DIXDC1: variants seen among roughly 807,000 people sequenced by gnomAD.
DIXDC1 encodes DIX domain containing 1.
In DIXDC1, 64 loss-of-function variants were observed where a neutral mutation model predicts 103.1. The observed-to-expected ratio is 0.62, with a 90% CI of 0.51 to 0.76. The LOEUF is 0.76. DIXDC1 is among the 30% of genes least tolerant of loss of function. The pLI, the probability that DIXDC1 is intolerant of heterozygous loss-of-function variation, is 0.00. For missense variants in DIXDC1, 759 were observed against 834.2 expected, an observed-to-expected ratio of 0.91 and a Z score of 1.11; for synonymous variants, 266 against 298.5, an observed-to-expected ratio of 0.89 and a Z score of 1.12.
chr11:112,000,430 G>C (rs1342130361), intron 17 of DIXDC1, among the ~76,000 whole-genome samples: 1 of 152,106 alleles, frequency 6.6e-6, no homozygotes, highest in Non-Finnish European at 1.5e-5. Context: ...CAGGTGCGGT[G>C]GCTCACACTT....
At chr11:111,964,207 G>A (rs1195237219) in intron 1 of DIXDC1, among the ~76,000 whole-genome samples, 1 of 152,240 alleles carries the variant, frequency 6.6e-6, no homozygotes, top group African/African-American at 2.4e-5. Flanking sequence ...AAAACTGGCT[G>A]TGGTTCTGGG....
chr11:111,980,891 C>A (rs782045971), intron 6 of DIXDC1, 42 bp downstream of exon 6: 4 of 1,546,656 alleles, frequency 2.6e-6, no homozygotes, highest in African/African-American at 2.7e-5. Context: ...AAGGAACAGT[C>A]AGCTTGAAGA....
Position 111,992,991 on chromosome 11 carries a change from T to C in DIXDC1, c.1259T>C (p.Leu420Ser), listed in dbSNP as rs1555174724. Residue 420 changes from leucine to serine, a missense_variant, in exon 12 of 20, where the codon TTG (leucine) becomes TCG (serine). Leu to Ser is a moderately radical substitution (Grantham distance 145, BLOSUM62 -2). Coordinates refer to ENST00000440460, the MANE Select transcript of DIXDC1 (RefSeq NM_001037954.4). ...QRKLDERNRL[L>S]GEYKKELGQK... ...AAGCTAGATGAGAGGAACCGGCTCT[T>C]GGGAGAATATAAAGTAAGAATGAAT... 1 of 1,605,712 alleles carries C rather than the reference T, an allele frequency of 6.2e-7. No individual in the cohort carries two copies. The highest frequency in any genetic ancestry group is 1.1e-5 in the South Asian group (1 of 88,790).
chr11:111,952,277 C>A (rs1966839127), intron 1 of DIXDC1, among the ~76,000 whole-genome samples: 2 of 152,152 alleles, frequency 1.3e-5, no homozygotes, highest in South Asian at 4.1e-4. Context: ...TGTCAATTTT[C>A]TCTAAATTAA....
At chr11:111,939,308 T>C (rs1555168591) in intron 1 of DIXDC1, among the ~76,000 whole-genome samples, 1 of 152,182 alleles carries the variant, frequency 6.6e-6, no homozygotes, top group East Asian at 1.9e-4. Context: ...GGTGCTTCCA[T>C]AAATATCCCC....
chr11:111,982,253 A>G, intron 6 of DIXDC1, 86 bp from the exon 7 acceptor site: 1 of 1,463,182 alleles, frequency 6.8e-7, no homozygotes, highest in South Asian at 1.4e-5. Flanking sequence ...AGGTGACCTG[A>G]ACCTGTGAAC....
chr11:111,936,656 C>T (rs587747311), upstream of DIXDC1, among the ~76,000 whole-genome samples: 3 of 152,098 alleles, frequency 2.0e-5, no homozygotes, highest in Non-Finnish European at 4.4e-5. Flanking sequence ...TCCTCTTTTC[C>T]CCCTTTCTTC....
At chr11:111,941,591 G>T (rs1376328528) in intron 1 of DIXDC1, among the ~76,000 whole-genome samples, 1 of 152,012 alleles carries the variant, frequency 6.6e-6, no homozygotes, top group Admixed American at 6.6e-5. Context: ...CGAGGCAGGA[G>T]GATGGCTTGA....
chr11:111,928,079 C>A (rs1192730329), intron 1 of DIXDC1, among the ~76,000 whole-genome samples: 1 of 150,982 alleles, frequency 6.6e-6, no homozygotes, highest in Admixed American at 6.6e-5. Context: ...AAAGCACTTG[C>A]GACAAGTACA....
In DIXDC1 at chr11:111,929,964, A is replaced by G. The variant is rs1259289217; in HGVS notation, c.57+54A>G. The G allele has an allele frequency of 4.9e-6, 7 of 1,438,930 alleles. No individual in the cohort carries two copies. The African/African-American group carries it at 7.1e-5, about 15-fold the overall frequency. 89.1% of individuals were successfully genotyped at this position (1,438,930 alleles called of 1,614,324 possible). A position where few individuals can be genotyped will look rare whatever the true frequency, so the allele number is the denominator to read the frequency against. Reference sequence around the variant, plus strand: ...GCGTGATGATGTTACTGGAATTTCAATACAGTTCTACTTCTGGGGATTTCT... The same window carrying G: ...GCGTGATGATGTTACTGGAATTTCAGTACAGTTCTACTTCTGGGGATTTCT... On this transcript the variant is annotated intron_variant, in intron 2 of 5. Transcript: ENST00000529225.
At chr11:111,964,789 T>A (rs1192139149) in intron 2 of DIXDC1, 111 bp downstream of exon 2, 1 of 1,324,542 alleles carries the variant, frequency 7.5e-7, no homozygotes, top group East Asian at 2.7e-5. Context: ...TATATGGCAG[T>A]AGAGGTAGAG....
chr11:112,001,162 G>GA (rs1172796558), intron 17 of DIXDC1, among the ~76,000 whole-genome samples: 3 of 152,178 alleles, frequency 2.0e-5, no homozygotes, highest in Non-Finnish European at 4.4e-5. Flanking sequence ...GATGAACTTG[G>GA]AAAACATTAT....
rs1212677613 is a variant in DIXDC1 at position 112,000,526 on chromosome 11, G to A, written c.1756+4380G>A. Among the ~76,000 whole-genome samples, 4 of 151,976 alleles carry A rather than the reference G, an allele frequency of 2.6e-5. No homozygotes were observed. In the East Asian group the frequency reaches 7.7e-4, roughly 29 times the overall value. On this transcript the variant is annotated intron_variant, in intron 17 of 19. Transcript: ENST00000440460. ...ACCCTGGCCAATGTGGTGAAACCCC[G>A]TCTCTACTAGAAATACAAAAATTAG...
chr11:111,943,673 T>C (rs1357938087), intron 1 of DIXDC1, among the ~76,000 whole-genome samples: 5 of 152,010 alleles, frequency 3.3e-5, no homozygotes, highest in African/African-American at 1.2e-4. Flanking sequence ...CTAAATTTTT[T>C]GTATTTTCAG....
At chr11:111,968,732 A>G in intron 3 of DIXDC1, 94 bp downstream of exon 3, 1 of 1,275,626 alleles carries the variant, frequency 7.8e-7, no homozygotes, top group Non-Finnish European at 1.0e-6. Flanking sequence ...GGGGGAAGAT[A>G]GAAAGTCTCC....
At chr11:111,929,886 C>T in exon 2 of DIXDC1, 3 of 1,535,986 alleles carry the variant, frequency 2.0e-6, no homozygotes, top group Non-Finnish European at 2.6e-6. Context: ...GATTCAATAA[C>T]TCCTTGCTGC....
chr11:111,931,630 GAGA>G, intron 2 of DIXDC1, among the ~76,000 whole-genome samples: 1 of 152,262 alleles, frequency 6.6e-6, no homozygotes, highest in African/African-American at 2.4e-5. Flanking sequence ...GTGACAGATT[GAGA>G]CTCCATCCCA....
chr11:111,931,542 C>G (rs1226717001), intron 2 of DIXDC1, among the ~76,000 whole-genome samples: 1 of 151,758 alleles, frequency 6.6e-6, no homozygotes, highest in Non-Finnish European at 1.5e-5. Context: ...GCTCGAGAGG[C>G]TGAGGCAGGA....
In DIXDC1 at chr11:111,952,058, G is replaced by C. The variant is rs185515513; in HGVS notation, c.61-12491G>C. Among the ~76,000 whole-genome samples the C allele has an allele frequency of 1.2e-4, 19 of 152,130 alleles. No homozygotes were observed. In the East Asian group the frequency reaches 2.7e-3, roughly 22 times the overall value. ...TTTTTGTATTTTTAGTACAGATGGG[G>C]TTTCACCATGTTGGGCAGGCTGGTC... On this transcript the variant is annotated intron_variant, in intron 1 of 19. Coordinates refer to ENST00000440460, the MANE Select transcript of DIXDC1 (RefSeq NM_001037954.4).
Sources: gnomAD v4.1 joint callset for allele counts (sites outside exome capture counted in the v4.1 genomes callset) on GRCh38, gnomAD v4.1.1 for gene constraint, MANE v1.5 for transcripts, NCBI Gene and HGNC (gene_info 2026-07-23, HGNC 2026-07-21) for gene names.